WWOX: variants seen among roughly 807,000 people sequenced by gnomAD.
The protein encoded by WWOX is WW domain-containing oxidoreductase.
Under a neutral mutation model 46.2 loss-of-function variants are expected in WWOX, and 69 were observed. The observed-to-expected ratio is 1.49, with a 90% confidence interval of 1.23 to 1.82. The LOEUF is 1.82. Among genes scored for constraint, WWOX ranks in the 40% most tolerant of loss-of-function variants. The probability of loss-of-function intolerance (pLI) is 0.00; values close to 1 mark genes in which losing one functional copy is unlikely to be tolerated. For missense variants in WWOX, 919 were observed against 542.6 expected (o/e 1.69, Z -6.89); for synonymous variants, 359 against 202.6 (o/e 1.77, Z -6.56).
At chr16:78,360,666 T>C in intron 5 of WWOX, among the ~76,000 whole-genome samples, 1 of 51,732 alleles carries the variant, frequency 1.9e-5, no homozygotes, top group Admixed American at 1.7e-4. Context: ...TACCTAATCA[T>C]GGTATAATAA....
intron 8 of WWOX, among the ~76,000 whole-genome samples, chr16:79,000,426 A>G (rs995290935): frequency 1.3e-5 from 2 of 152,194 alleles, no homozygotes; most frequent in African/African-American, 4.8e-5. Context: ...TTGAAAGATC[A>G]TCCTGGATTA....
chr16:78,877,611 T>C (rs866015397), intron 8 of WWOX, among the ~76,000 whole-genome samples: 1 of 152,234 alleles, frequency 6.6e-6, no homozygotes, highest in African/African-American at 2.4e-5. Context: ...CAGACATAGA[T>C]GTGGACATAG....
intron 8 of WWOX, chr16:78,691,396 G>A: frequency 3.1e-6 from 2 of 655,452 alleles, no homozygotes; most frequent in East Asian, 2.7e-5. Flanking sequence ...TGGCCTACAG[G>A]GTGCTTTAGA....
chr16:79,118,883 C>T (rs1597391172), intron 8 of WWOX, among the ~76,000 whole-genome samples: 1 of 152,192 alleles, frequency 6.6e-6, no homozygotes, highest in East Asian at 1.9e-4. Context: ...TGATAGTCCA[C>T]AGAGGGGAAG....
intron 5 of WWOX, among the ~76,000 whole-genome samples, chr16:78,333,661 C>G (rs930896534): frequency 6.6e-6 from 1 of 152,094 alleles, no homozygotes; most frequent in African/African-American, 2.4e-5. Flanking sequence ...CTCCAGAATA[C>G]ATACTTCATA....
At chr16:79,083,346 G>T (rs1472407877) in intron 8 of WWOX, among the ~76,000 whole-genome samples, 1 of 152,096 alleles carries the variant, frequency 6.6e-6, no homozygotes. Context: ...AGCAATTAAG[G>T]AAGCAATGTT....
intron 8 of WWOX, among the ~76,000 whole-genome samples, chr16:78,745,271 AGCTTT>A (rs2049322025): frequency 6.6e-6 from 1 of 152,206 alleles, no homozygotes; most frequent in Admixed American, 6.5e-5. Flanking sequence ...TCTTTCAGCA[AGCTTT>A]TGGCTGAGCT....
intron 7 of WWOX, among the ~76,000 whole-genome samples, chr16:78,427,607 C>A (rs1012922672): frequency 6.6e-6 from 1 of 151,650 alleles, no homozygotes; most frequent in Non-Finnish European, 1.5e-5. Context: ...TTATTTTAGG[C>A]GGGAATTTTA....
intron 5 of WWOX, among the ~76,000 whole-genome samples, chr16:78,378,202 C>A (rs1227702788): frequency 6.6e-6 from 1 of 151,380 alleles, no homozygotes; most frequent in Non-Finnish European, 1.5e-5. Flanking sequence ...AATGTGGAAT[C>A]ATCTCCAAAA....
chr16:78,895,013 G>A (rs1403196875), intron 8 of WWOX, among the ~76,000 whole-genome samples: 2 of 152,124 alleles, frequency 1.3e-5, no homozygotes, highest in African/African-American at 2.4e-5. Flanking sequence ...TCATGCCGCC[G>A]GGCACCGGTT....
chr16:78,749,820 T>C (rs1421457659), intron 8 of WWOX, among the ~76,000 whole-genome samples: 1 of 152,226 alleles, frequency 6.6e-6, no homozygotes, highest in African/African-American at 2.4e-5. Context: ...TTTTATAAAC[T>C]GTTCCTCTTA....
At chr16:78,125,338 G>A (rs1051651148) in intron 4 of WWOX, among the ~76,000 whole-genome samples, 1 of 152,114 alleles carries the variant, frequency 6.6e-6, no homozygotes, top group Non-Finnish European at 1.5e-5. Context: ...TGTGCCTGGG[G>A]CCCCTTCCAC....
At chr16:78,574,192 C>G (rs1041586079) in intron 8 of WWOX, among the ~76,000 whole-genome samples, 4 of 152,352 alleles carry the variant, frequency 2.6e-5, no homozygotes, top group Admixed American at 2.6e-4. Context: ...AAGCCAGCAA[C>G]AAGAGTTTCT....
At chr16:78,639,425 A>G (rs1274815095) in intron 8 of WWOX, among the ~76,000 whole-genome samples, 2 of 152,112 alleles carry the variant, frequency 1.3e-5, no homozygotes, top group Non-Finnish European at 1.5e-5. Flanking sequence ...AGGAAATGGA[A>G]GTGCACAGAA....
intron 4 of WWOX, among the ~76,000 whole-genome samples, chr16:78,129,865 G>T (rs1460634897): frequency 6.6e-6 from 1 of 152,022 alleles, no homozygotes; most frequent in Non-Finnish European, 1.5e-5. Flanking sequence ...TAATCTTAAG[G>T]TCATGGTATT....
rs1001839979 is a variant in WWOX at position 78,296,614 on chromosome 16, C to T, written c.517-90246C>T. ...CCATGTACAGAAATTATACTCTGTACACAGGGGAAATATGAAAGTTTTGTA... is the reference window on the plus strand; with the variant it reads ...CCATGTACAGAAATTATACTCTGTATACAGGGGAAATATGAAAGTTTTGTA... On this transcript the variant is annotated intron_variant, in intron 5 of 8. Transcript: ENST00000566780. 4.6e-5 allele frequency among the ~76,000 whole-genome samples: 7 copies of T among 151,404 alleles called. No individual in the cohort carries two copies. The South Asian group carries it at 1.0e-3, about 23-fold the overall frequency.
intron 4 of WWOX, among the ~76,000 whole-genome samples, chr16:78,122,067 A>G (rs1189023637): frequency 6.6e-6 from 1 of 152,170 alleles, no homozygotes. Context: ...TAACTTTTAT[A>G]CAGTACATTG....
At chr16:78,687,294 T>C (rs550956896) in intron 8 of WWOX, among the ~76,000 whole-genome samples, 1 of 152,206 alleles carries the variant, frequency 6.6e-6, no homozygotes, top group East Asian at 1.9e-4. Context: ...TAATTCTAAT[T>C]TAAAATCAAA....
At chr16:78,514,030 T>G (rs2085429537) in intron 8 of WWOX, among the ~76,000 whole-genome samples, 1 of 152,144 alleles carries the variant, frequency 6.6e-6, no homozygotes, top group South Asian at 2.1e-4. Context: ...TGTCACAATT[T>G]TCTTTATATA....
Sources: gnomAD v4.1 joint callset for allele counts (sites outside exome capture counted in the v4.1 genomes callset) on GRCh38, gnomAD v4.1.1 for gene constraint, MANE v1.5 for transcripts, NCBI Gene and HGNC (gene_info 2026-07-23, HGNC 2026-07-21) for gene names.